UBE2E2: variants seen among roughly 807,000 people sequenced by gnomAD.
UBE2E2 encodes ubiquitin conjugating enzyme E2 E2, also known as ubiquitin-conjugating enzyme E2 E2.
Under a neutral mutation model 24.7 loss-of-function variants are expected in UBE2E2, and 6 were observed. The observed-to-expected ratio is 0.24, with a 90% CI of 0.13 to 0.48. UBE2E2 has a LOEUF of 0.48. Among genes scored for constraint, UBE2E2 ranks in the 20% least tolerant of loss-of-function variants. The pLI is 0.99. For synonymous variants in UBE2E2, 104 were observed against 83.6 expected, an observed-to-expected ratio of 1.24 and a Z score of -1.33; for missense variants, 169 against 245.0, an observed-to-expected ratio of 0.69 and a Z score of 2.07.
intron 3 of UBE2E2, among the ~76,000 whole-genome samples, chr3:23,399,048 A>G (rs996402288): frequency 6.6e-6 from 1 of 152,112 alleles, no homozygotes; most frequent in Non-Finnish European, 1.5e-5. Context: ...GTTGAAACAC[A>G]TTTCTCATGT....
At chr3:23,377,605 T>C (rs1003459283) in intron 3 of UBE2E2, among the ~76,000 whole-genome samples, 1 of 152,212 alleles carries the variant, frequency 6.6e-6, no homozygotes, top group Non-Finnish European at 1.5e-5. Context: ...TGGTGAAAGA[T>C]GCTTTTAGGA....
intron 5 of UBE2E2, among the ~76,000 whole-genome samples, chr3:23,553,350 G>A (rs1028820181): frequency 6.6e-6 from 1 of 152,060 alleles, no homozygotes; most frequent in Non-Finnish European, 1.5e-5. Context: ...TAACTTGTGA[G>A]CATGTGGTAA....
At chr3:23,249,061 A>G (rs766747263) in intron 3 of UBE2E2, among the ~76,000 whole-genome samples, 9 of 152,280 alleles carry the variant, frequency 5.9e-5, no homozygotes, top group Admixed American at 3.3e-4. Flanking sequence ...GCTTGAGCCC[A>G]GGAGTTTGAG....
chr3:23,407,681 G>A lies in UBE2E2; in HGVS notation c.228-91927G>A, dbSNP rs950630781. The stretch of plus-strand genomic sequence containing the variant: ...TGTGTGTGTGTGTGTGTGTGTGTGT[G>A]TGTGTGTGTAGTATTTCAGAGAAAA... On this transcript the variant is annotated intron_variant, in intron 3 of 5. Coordinates refer to ENST00000396703, the MANE Select transcript of UBE2E2 (RefSeq NM_152653.4). This position sits in a 1 kb window ranked among gnomAD's most constrained non-coding sequence, Gnocchi z 4.0. 6.6e-6 allele frequency among the ~76,000 whole-genome samples: 1 copy of A among 150,502 alleles called. No homozygotes were observed. Among genetic ancestry groups the A allele is most frequent in the Admixed American group, 6.6e-5 (1 of 15,092 alleles).
intron 5 of UBE2E2, among the ~76,000 whole-genome samples, chr3:23,573,764 C>CA (rs1696278788): frequency 6.6e-6 from 1 of 152,180 alleles, no homozygotes; most frequent in South Asian, 2.1e-4. Flanking sequence ...TGCTTGTTGT[C>CA]AGCTGATTAA....
chr3:23,589,170 C>G lies in UBE2E2; in HGVS notation c.509-564C>G, dbSNP rs986857026. On this transcript the variant is annotated intron_variant, in intron 5 of 5. Coordinates refer to ENST00000396703, the MANE Select transcript of UBE2E2 (RefSeq NM_152653.4). This position sits in a 1 kb window ranked among gnomAD's most constrained non-coding sequence, Gnocchi z 4.1. ...GCATCTCACACCTGTAATCCCAGCACTTTGGGAGGCTGAGGCAGGAGGATA... is the reference window on the plus strand; with the variant it reads ...GCATCTCACACCTGTAATCCCAGCAGTTTGGGAGGCTGAGGCAGGAGGATA... Among the ~76,000 whole-genome samples the G allele has an allele frequency of 6.6e-6, 1 of 152,126 alleles. No individual in the cohort carries two copies. Among genetic ancestry groups the G allele is most frequent in the African/African-American group, 2.4e-5 (1 of 41,420 alleles).
At chr3:23,366,890 A>G (rs1365661109) in intron 3 of UBE2E2, among the ~76,000 whole-genome samples, 2 of 152,218 alleles carry the variant, frequency 1.3e-5, no homozygotes, top group Non-Finnish European at 2.9e-5. Flanking sequence ...TATAACAGAA[A>G]CTATGTTCTA....
At chr3:23,314,192 A>C (rs1428595079) in intron 3 of UBE2E2, among the ~76,000 whole-genome samples, 1 of 152,134 alleles carries the variant, frequency 6.6e-6, no homozygotes, top group Non-Finnish European at 1.5e-5. Context: ...GCAGTGGCAC[A>C]ATTACAGCTC....
chr3:23,406,533 G>A (rs896031546), intron 3 of UBE2E2, among the ~76,000 whole-genome samples: 6 of 152,112 alleles, frequency 3.9e-5, no homozygotes, highest in African/African-American at 7.2e-5. Context: ...TTATGTATCC[G>A]CTTGAAACTG....
intron 3 of UBE2E2, among the ~76,000 whole-genome samples, chr3:23,386,501 C>T (rs1053965495): frequency 4.6e-5 from 7 of 152,078 alleles, no homozygotes; most frequent in Admixed American, 2.0e-4. Context: ...ACAGGTAGTT[C>T]GGTTCTTAAA....
At chr3:23,314,764 T>C (rs1321398561) in intron 3 of UBE2E2, among the ~76,000 whole-genome samples, 1 of 152,242 alleles carries the variant, frequency 6.6e-6, no homozygotes, top group Admixed American at 6.5e-5. Flanking sequence ...ACTTCAAATA[T>C]GTCATGCCAC....
chr3:23,392,158 C>G (rs1013228406), intron 3 of UBE2E2, among the ~76,000 whole-genome samples: 2 of 152,090 alleles, frequency 1.3e-5, no homozygotes, highest in African/African-American at 4.8e-5. Context: ...ATGCATTATG[C>G]TTAGACAGAT....
intron 3 of UBE2E2, among the ~76,000 whole-genome samples, chr3:23,229,916 T>C (rs758664009): frequency 2.0e-5 from 3 of 152,232 alleles, no homozygotes; most frequent in Non-Finnish European, 4.4e-5. Context: ...AATAGCTTTT[T>C]AAGGTTAAAC....
chr3:23,542,993 C>T (rs1275378958), intron 5 of UBE2E2, among the ~76,000 whole-genome samples: 1 of 152,142 alleles, frequency 6.6e-6, no homozygotes, highest in Non-Finnish European at 1.5e-5. Context: ...ATTGCTCTCC[C>T]TGCAGTAGTA....
At chr3:23,281,243 G>T (rs779040335) in intron 3 of UBE2E2, among the ~76,000 whole-genome samples, 1 of 152,100 alleles carries the variant, frequency 6.6e-6, no homozygotes, top group Non-Finnish European at 1.5e-5. Flanking sequence ...TTTCATGTTT[G>T]TTTTAGATAT....
intron 3 of UBE2E2, among the ~76,000 whole-genome samples, chr3:23,497,300 C>T (rs1010178668): frequency 6.6e-6 from 1 of 152,162 alleles, no homozygotes; most frequent in African/African-American, 2.4e-5. Flanking sequence ...TGCACAAACA[C>T]AATGAAAAAT....
In UBE2E2 at chr3:23,404,392, T is replaced by G. The variant is rs535133501; in HGVS notation, c.228-95216T>G. On this transcript the variant is annotated intron_variant, in intron 3 of 5. Transcript: ENST00000396703. The stretch of plus-strand genomic sequence containing the variant: ...ATAAATGTCCAAGTCAATGGAGTGT[T>G]TCTGTAACAGATATTAGTCACCTTA... Among the ~76,000 whole-genome samples, 155 of 152,324 alleles carry G rather than the reference T, an allele frequency of 1.0e-3. No homozygotes were observed. The Middle Eastern group carries it at 0.01, about 10-fold the overall frequency.
intron 5 of UBE2E2, among the ~76,000 whole-genome samples, chr3:23,555,486 A>G (rs1005925299): frequency 3.3e-5 from 5 of 152,198 alleles, no homozygotes; most frequent in African/African-American, 1.2e-4. Context: ...GAAATAAAAA[A>G]TGGACCCATC....
chr3:23,571,280 C>CTTTTTTTTTTT (rs59243406), intron 5 of UBE2E2, among the ~76,000 whole-genome samples: 621 of 29,874 alleles, frequency 0.021, 246 homozygotes, highest in African/African-American at 0.033. Context: ...GTGCTCCTTT[C>CTTTTTTTTTTT]TTTTTTTTTT....
Sources: gnomAD v4.1 joint callset for allele counts (sites outside exome capture counted in the v4.1 genomes callset) on GRCh38, gnomAD v4.1.1 for gene constraint, Gnocchi (gnomAD v3.1) non-coding constraint, MANE v1.5 for transcripts, NCBI Gene and HGNC (gene_info 2026-07-23, HGNC 2026-07-21) for gene names.